FAM136A: variants seen among roughly 807,000 people sequenced by gnomAD.
FAM136A encodes TIM double twin CX3C motif protein.
FAM136A carries 25 observed loss-of-function variants against 21.6 expected under a neutral mutation model. The observed-to-expected ratio is 1.16, with a 90% confidence interval of 0.84 to 1.62. The LOEUF is 1.62. Among genes scored for constraint, FAM136A ranks in the 40% most tolerant of loss-of-function variants. The pLI is 0.00. For synonymous variants in FAM136A, 119 were observed against 129.4 expected (o/e 0.92, Z 0.55); for missense variants, 338 against 332.0 (o/e 1.02, Z -0.14).
chr2:70,297,518 G>C, intron 2 of FAM136A, 41 bp from the exon 3 acceptor site: 1 of 1,603,776 alleles, frequency 6.2e-7, no homozygotes, highest in Non-Finnish European at 8.5e-7. Context: ...CTGAGAGTAA[G>C]GCCTCCATTT....
chr2:70,297,120 G>T lies in FAM136A; in HGVS notation c.*169C>A. The T allele has an allele frequency of 1.7e-6, 1 of 593,368 alleles. No homozygotes were observed. 36.8% of individuals were successfully genotyped at this position (593,368 alleles called of 1,614,324 possible). On this transcript the variant is annotated 3_prime_UTR_variant, in exon 3 of 3. Coordinates refer to ENST00000430566, the MANE Select transcript of FAM136A (RefSeq NM_001329752.2). ...CACTTTTTTCCATTTCATTTTTTAG[G>T]GACTGAAACATAAAATAACCAGTGT...
At chr2:70,298,648 A>G (rs1697317356) in intron 2 of FAM136A, among the ~76,000 whole-genome samples, 1 of 152,352 alleles carries the variant, frequency 6.6e-6, no homozygotes, top group South Asian at 2.1e-4. Flanking sequence ...AGGAGCTGTC[A>G]GCATAGAGAT....
chr2:70,301,070 A>G, intron 1 of FAM136A, 90 bp from the exon 2 acceptor site: 1 of 1,422,108 alleles, frequency 7.0e-7, no homozygotes, highest in South Asian at 1.3e-5. Context: ...GGCCACGTGG[A>G]TATTTGCACC....
At position 70,302,054 on chromosome 2, in the gene FAM136A, T is replaced by G. The variant is rs773199872; in HGVS notation, c.-43A>C. On this transcript the variant is annotated 5_prime_UTR_variant, in exon 1 of 3. It removes an upstream start codon present in the reference 5' UTR. Coordinates refer to ENST00000430566, the MANE Select transcript of FAM136A (RefSeq NM_001329752.2). ...CCGCGGCGCTCCGCGCCGGCGCCCA[T>G]ATGGAATCGGCGTACGGGCCCGCCC... 6 of 1,535,520 alleles carry G rather than the reference T, an allele frequency of 3.9e-6. No individual in the cohort carries two copies. Among genetic ancestry groups the G allele is most frequent in the Non-Finnish European group, 4.4e-6 (5 of 1,145,758 alleles).
intron 1 of FAM136A, 166 bp from the exon 2 acceptor site, chr2:70,301,146 G>A: frequency 1.2e-6 from 1 of 867,326 alleles, no homozygotes; most frequent in Non-Finnish European, 1.8e-6. Context: ...ACCACCACTG[G>A]GGAAAATTAT....
chr2:70,301,050 G>A (rs558945853), intron 1 of FAM136A, 70 bp from the exon 2 acceptor site: 1 of 1,511,072 alleles, frequency 6.6e-7, no homozygotes, highest in African/African-American at 1.4e-5. Context: ...GAGCACTACA[G>A]GAGTTAGAAG....
In FAM136A at chr2:70,301,436, C is replaced by CA. The variant is rs1187810899; in HGVS notation, c.408+167dup. On this transcript the variant is annotated intron_variant, in intron 1 of 2. Coordinates refer to ENST00000430566, the MANE Select transcript of FAM136A (RefSeq NM_001329752.2). ...GTGAGAGAAGCAGGACCGAAACACACAGAGGCATTGCGGGGCTCAGAGAAG... is the reference window on the plus strand; with the variant it reads ...GTGAGAGAAGCAGGACCGAAACACACAAGAGGCATTGCGGGGCTCAGAGAAG... 62 of 1,535,456 alleles carry CA rather than the reference C, an allele frequency of 4.0e-5. No individual in the cohort carries two copies. In the Admixed American group the frequency reaches 5.1e-4, roughly 13 times the overall value.
intron 2 of FAM136A, among the ~76,000 whole-genome samples, chr2:70,299,737 A>T (rs1697342570): frequency 6.6e-6 from 1 of 151,714 alleles, no homozygotes; most frequent in Non-Finnish European, 1.5e-5. Context: ...AGTAGCTGGG[A>T]CTACAGGCGC....
chr2:70,297,038 C>G lies in FAM136A; in HGVS notation c.*251G>C, dbSNP rs899153189. On this transcript the variant is annotated 3_prime_UTR_variant, in exon 3 of 3. Coordinates refer to ENST00000430566, the MANE Select transcript of FAM136A (RefSeq NM_001329752.2). ...CCTTACTGCCAGGACAAGCACTGGC[C>G]ACAGGAAATAATAAGCTCTAAAACT... The G allele has an allele frequency of 9.9e-6, 4 of 406,084 alleles. No individual in the cohort carries two copies. Among genetic ancestry groups the G allele is most frequent in the African/African-American group, 8.0e-5 (4 of 49,844 alleles). The allele number at this position is 406,084 out of a possible 1,614,324, so 25.2% of individuals were successfully genotyped here. A position where few individuals can be genotyped will look rare whatever the true frequency, so the allele number is the denominator to read the frequency against.
chr2:70,301,531 G>C, intron 1 of FAM136A, 73 bp downstream of exon 1: 1 of 1,535,958 alleles, frequency 6.5e-7, no homozygotes, highest in Admixed American at 2.0e-5. Flanking sequence ...CCTGGCCAAC[G>C]GGGAGGCCGG....
rs1346482795 is a variant in FAM136A at position 70,301,637 on chromosome 2, T to TG, written c.374dup (p.Pro126ThrfsTer23). ...GGGGCCGCGTAAGAGGGGAAGGTGG[T>TG]GGGGCGAGCGCCTGCCACCAGGGGC... On this transcript the variant is annotated frameshift_variant, in exon 1 of 3. Transcript: ENST00000430566. LOFTEE classifies it high-confidence loss of function. 1 of 1,535,560 alleles carries TG rather than the reference T, an allele frequency of 6.5e-7. No homozygotes were observed. Among genetic ancestry groups the TG allele is most frequent in the Non-Finnish European group, 8.7e-7 (1 of 1,146,692 alleles).
chr2:70,299,266 A>T (rs1697331201), intron 2 of FAM136A, among the ~76,000 whole-genome samples: 1 of 152,192 alleles, frequency 6.6e-6, no homozygotes, highest in East Asian at 1.9e-4. Flanking sequence ...GTTCCAGAAA[A>T]ATATACTTAG....
At chr2:70,299,533 C>T (rs1045960084) in intron 2 of FAM136A, among the ~76,000 whole-genome samples, 5 of 152,172 alleles carry the variant, frequency 3.3e-5, no homozygotes, top group Non-Finnish European at 7.4e-5. Flanking sequence ...TCAAGGCTAT[C>T]CTACCTTTCT....
intron 1 of FAM136A, 95 bp from the exon 2 acceptor site, chr2:70,301,075 T>G: frequency 7.2e-7 from 1 of 1,388,080 alleles, no homozygotes; most frequent in Non-Finnish European, 9.9e-7. Context: ...CGTGGATATT[T>G]GCACCTCTCT....
intron 2 of FAM136A, chr2:70,300,621 G>A (rs965620998): frequency 6.9e-6 from 3 of 432,128 alleles, no homozygotes; most frequent in African/African-American, 2.0e-5. Flanking sequence ...CTCCGCGCTC[G>A]GCCTACATCA....
At position 70,296,582 on chromosome 2, in the gene FAM136A, C is replaced by T. The variant is rs1697252595; in HGVS notation, c.*707G>A. 2 of 126,504 alleles carry T rather than the reference C, an allele frequency of 1.6e-5. No homozygotes were observed. The highest frequency in any genetic ancestry group is 3.6e-5 in the Non-Finnish European group (2 of 55,066). 7.8% of individuals were successfully genotyped at this position (126,504 alleles called of 1,614,324 possible). ...CTGCTTCCCATAATTAGTGTGTCAT[C>T]ACCTCTCATGTTTCTGCACAGTCTC... On this transcript the variant is annotated 3_prime_UTR_variant, in exon 3 of 3. Coordinates refer to ENST00000430566, the MANE Select transcript of FAM136A (RefSeq NM_001329752.2).
In FAM136A at chr2:70,297,039, AC is replaced by A. The variant is rs1181592084; in HGVS notation, c.*249del. On this transcript the variant is annotated 3_prime_UTR_variant, in exon 3 of 3. Transcript: ENST00000430566. ...CTTACTGCCAGGACAAGCACTGGCC[AC>A]AGGAAATAATAAGCTCTAAAACTCT... 2.4e-6 allele frequency: 1 copy of A among 409,654 alleles called. No homozygotes were observed. Among genetic ancestry groups the A allele is most frequent in the Non-Finnish European group, 4.5e-6 (1 of 224,086 alleles). The allele number at this position is 409,654 out of a possible 1,614,324, so 25.4% of individuals were successfully genotyped here.
intron 1 of FAM136A, chr2:70,301,274 C>G (rs1697390013): frequency 2.5e-6 from 3 of 1,214,728 alleles, no homozygotes; most frequent in Non-Finnish European, 3.3e-6. Flanking sequence ...GGTGGTCTGA[C>G]GAAGCCAAAT....
At chr2:70,297,765 T>C (rs1697294964) in intron 2 of FAM136A, among the ~76,000 whole-genome samples, 1 of 151,460 alleles carries the variant, frequency 6.6e-6, no homozygotes, top group Non-Finnish European at 1.5e-5. Context: ...CTCAAGTAGC[T>C]AGGACCACAG....
Sources: gnomAD v4.1 joint callset for allele counts (sites outside exome capture counted in the v4.1 genomes callset) on GRCh38, gnomAD v4.1.1 for gene constraint, MANE v1.5 for transcripts, NCBI Gene and HGNC (gene_info 2026-07-23, HGNC 2026-07-21) for gene names.